Variants in ANK3 observed in about 807,000 individuals in gnomAD.
ANK3 encodes ankyrin 3.
A neutral mutation model predicts 370.9 loss-of-function variants in ANK3; 57 were observed. That is an observed-to-expected ratio of 0.15 (90% CI 0.12 to 0.19). The LOEUF is 0.19. ANK3 is among the 10% of genes least tolerant of loss of function. The pLI, the probability that ANK3 is intolerant of heterozygous loss-of-function variation, is 1.00. For missense variants in ANK3, 4,439 were observed against 5,302.1 expected (o/e 0.84, Z 5.06); for synonymous variants, 1,929 against 1,946.3 (o/e 0.99, Z 0.23).
At position 60,072,835 on chromosome 10, in the gene ANK3, A is replaced by T; in HGVS notation, c.8046T>A (p.Thr2682=). 6.2e-7 allele frequency: 1 copy of T among 1,614,018 alleles called. No individual in the cohort carries two copies. Among genetic ancestry groups the T allele is most frequent in the Non-Finnish European group, 8.5e-7 (1 of 1,179,984 alleles). The stretch of plus-strand genomic sequence containing the variant: ...CTTCCACTGTGGACTTGCTGTCCTC[A>T]GTCTGTTGGGAGAGAACCATCTTCT... ...SPEKMVLSQQ[T]EDSKSTVEAK... The change falls in exon 37 of 44, where the codon ACT becomes ACA. Residue 2682 remains threonine, a synonymous_variant. Transcript: ENST00000280772.
rs79353976 is a variant in ANK3 at position 60,690,035 on chromosome 10, A to T, written c.57+43228T>A. On this transcript the variant is annotated intron_variant, in intron 1 of 43. Coordinates refer to the ANK3 transcript ENST00000373827. ...TAGTATCCTGGGCATGTAAAGAGAAAGAAATCAGATTAGAAAGTAGTACAA... is the reference window on the plus strand; with the variant it reads ...TAGTATCCTGGGCATGTAAAGAGAATGAAATCAGATTAGAAAGTAGTACAA... Among the ~76,000 whole-genome samples, 3 of 152,350 alleles carry T rather than the reference A, an allele frequency of 2.0e-5. No individual in the cohort carries two copies. In the East Asian group the frequency reaches 5.8e-4, roughly 29 times the overall value.
At chr10:60,716,373 A>G (rs1004462585) in intron 1 of ANK3, among the ~76,000 whole-genome samples, 1 of 152,122 alleles carries the variant, frequency 6.6e-6, no homozygotes, top group South Asian at 2.1e-4. Context: ...CAAAGTATGC[A>G]CTTAAATATA....
chr10:60,529,512 G>A (rs1934754), intron 2 of ANK3, among the ~76,000 whole-genome samples: 1 of 151,408 alleles, frequency 6.6e-6, no homozygotes, highest in Non-Finnish European at 1.5e-5. Context: ...TGGGGGCTCA[G>A]GTGCACGCAC....
intron 1 of ANK3, among the ~76,000 whole-genome samples, chr10:60,623,839 C>T (rs2078372154): frequency 6.6e-6 from 1 of 152,158 alleles, no homozygotes; most frequent in Non-Finnish European, 1.5e-5. Flanking sequence ...CTATAGGCCA[C>T]CTCTCAGAGT....
chr10:60,239,826 A>G (rs2097398095), intron 7 of ANK3, among the ~76,000 whole-genome samples: 1 of 151,868 alleles, frequency 6.6e-6, no homozygotes, highest in African/African-American at 2.4e-5. Flanking sequence ...AAAAGGAGAA[A>G]CTGGAACTAT....
chr10:60,369,090 T>G (rs1008723983), intron 1 of ANK3, among the ~76,000 whole-genome samples: 1 of 150,140 alleles, frequency 6.7e-6, no homozygotes, highest in African/African-American at 2.4e-5. Context: ...TAAATTATAC[T>G]TCGGTTTAAA....
chr10:60,413,179 T>C (rs1251163715), intron 2 of ANK3, among the ~76,000 whole-genome samples: 1 of 152,242 alleles, frequency 6.6e-6, no homozygotes, highest in Non-Finnish European at 1.5e-5. Flanking sequence ...TTTATGACAT[T>C]GAATGAAGAC....
intron 1 of ANK3, among the ~76,000 whole-genome samples, chr10:60,641,784 A>T (rs1189756107): frequency 2.0e-5 from 3 of 152,138 alleles, no homozygotes; most frequent in African/African-American, 7.2e-5. Flanking sequence ...GACAAATGGG[A>T]TCTAATTAAA....
chr10:60,037,477 GT>G (rs1178346308), intron 43 of ANK3, among the ~76,000 whole-genome samples: 1 of 152,042 alleles, frequency 6.6e-6, no homozygotes, highest in Admixed American at 6.6e-5. Flanking sequence ...CCCAGTGTCT[GT>G]TTTTTCCCTT....
chr10:60,215,295 C>G (rs2096919531), intron 8 of ANK3, among the ~76,000 whole-genome samples: 1 of 151,862 alleles, frequency 6.6e-6, no homozygotes, highest in South Asian at 2.1e-4. Context: ...AAATTTTCTC[C>G]TATCCTGTAG....
At chr10:60,278,532 G>A (rs2098121030) in intron 4 of ANK3, among the ~76,000 whole-genome samples, 1 of 151,978 alleles carries the variant, frequency 6.6e-6, no homozygotes, top group Non-Finnish European at 1.5e-5. Flanking sequence ...CATGATGCCA[G>A]GCTAATTTTT....
At chr10:60,179,331 G>A (rs756901209) in intron 18 of ANK3, among the ~76,000 whole-genome samples, 7 of 152,224 alleles carry the variant, frequency 4.6e-5, no homozygotes, top group Non-Finnish European at 1.0e-4. Context: ...GCTTTCTGAA[G>A]TGAGACGCTC....
At chr10:60,360,897 T>A (rs1594483045) in intron 1 of ANK3, among the ~76,000 whole-genome samples, 1 of 152,154 alleles carries the variant, frequency 6.6e-6, no homozygotes, top group East Asian at 1.9e-4. Context: ...GATCTACCCA[T>A]GAAAGAAAAA....
intron 1 of ANK3, among the ~76,000 whole-genome samples, chr10:60,387,281 G>A (rs758589002): frequency 5.9e-5 from 9 of 152,158 alleles, no homozygotes; most frequent in South Asian, 2.1e-4. Flanking sequence ...AACATGGAAC[G>A]AAGTAGCCCA....
chr10:60,540,829 C>T (rs780723160), intron 2 of ANK3, among the ~76,000 whole-genome samples: 15 of 151,860 alleles, frequency 9.9e-5, no homozygotes, highest in Admixed American at 4.6e-4. Flanking sequence ...AAGCCTGTCA[C>T]GACAGTGACA....
intron 35 of ANK3, 100 bp from the exon 36 acceptor site, chr10:60,080,718 T>C: frequency 2.1e-6 from 2 of 960,482 alleles, no homozygotes; most frequent in Non-Finnish European, 3.1e-6. Flanking sequence ...AACTTGTTTA[T>C]TTTCCTTCTT....
intron 7 of ANK3, among the ~76,000 whole-genome samples, chr10:60,249,853 C>T (rs915530050): frequency 6.6e-6 from 1 of 152,144 alleles, no homozygotes; most frequent in Non-Finnish European, 1.5e-5. Flanking sequence ...GCATGCCCCA[C>T]CAGCTCCACA....
At position 60,358,101 on chromosome 10, in the gene ANK3, CACACACACACACACACACAA is replaced by C. The variant is rs952423771; in HGVS notation, c.114+31304_114+31323del. Among the ~76,000 whole-genome samples, 197 of 48,008 alleles carry C rather than the reference CACACACACACACACACACAA, an allele frequency of 4.1e-3. 1 individual carries two copies. Among genetic ancestry groups the C allele is most frequent in the Middle Eastern group, 0.041 (4 of 98 alleles). The allele number at this position is 48,008 out of a possible 152,430, so 31.5% of individuals were successfully genotyped here. A position where few individuals can be genotyped will look rare whatever the true frequency, so the allele number is the denominator to read the frequency against. On this transcript the variant is annotated intron_variant, in intron 1 of 43. Coordinates refer to ENST00000280772, the MANE Select transcript of ANK3 (RefSeq NM_020987.5). ...CATACTTAAAACATGCATATGTATA[CACACACACACACACACACAA>C]ACACACACACACACACACACACCCA...
chr10:60,071,789 T>C lies in ANK3; in HGVS notation c.9092A>G (p.Tyr3031Cys). The change falls in exon 37 of 44, where the codon TAT becomes TGT. Residue 3031 changes from tyrosine to cysteine, a missense_variant. By Grantham distance (194) the Tyr-to-Cys change is radical. This residue lies in a region of ANK3 where 1,601 missense variants were observed against 1,731.7 expected (regional missense o/e 0.92). Coordinates refer to ENST00000280772, the MANE Select transcript of ANK3 (RefSeq NM_020987.5). ...CTCGAGAGGTGGGCATAAACCTACATAACTCTGGTGTTTGGAAACTTTGCT... is the reference window on the plus strand; with the variant it reads ...CTCGAGAGGTGGGCATAAACCTACACAACTCTGGTGTTTGGAAACTTTGCT... ...EISKVSKHQS[Y>C]VGLCPPLEET... 6.2e-7 allele frequency: 1 copy of C among 1,607,876 alleles called. No individual in the cohort carries two copies. Among genetic ancestry groups the C allele is most frequent in the South Asian group, 1.1e-5 (1 of 89,768 alleles).
Sources: allele counts gnomAD v4.1 joint callset (sites outside exome capture counted in the v4.1 genomes callset), GRCh38; gene constraint gnomAD v4.1.1; regional missense constraint gnomAD v4.1.1; transcripts MANE v1.5; gene names NCBI Gene and HGNC (gene_info 2026-07-23, HGNC 2026-07-21).